Variants in KLF12 observed in about 807,000 individuals in gnomAD.
KLF12 encodes the protein KLF transcription factor 12.
In KLF12, 9 loss-of-function variants were observed where a neutral mutation model predicts 37.8. The ratio of observed to expected loss-of-function variants is 0.24; its 90% CI spans 0.14 to 0.42. The LOEUF (loss-of-function observed/expected upper bound fraction) is 0.42. KLF12 is among the 10% of genes least tolerant of loss of function. The pLI, the probability that KLF12 is intolerant of heterozygous loss-of-function variation, is 1.00. For synonymous variants in KLF12, 208 were observed against 202.1 expected, an observed-to-expected ratio of 1.03 and a Z score of -0.25; for missense variants, 411 against 516.0, an observed-to-expected ratio of 0.80 and a Z score of 1.97.
At chr13:73,960,867 C>T (rs962391996) in intron 2 of KLF12, among the ~76,000 whole-genome samples, 1 of 152,054 alleles carries the variant, frequency 6.6e-6, no homozygotes, top group Non-Finnish European at 1.5e-5. Flanking sequence ...GACAAATGGA[C>T]ACATTATACT....
intron 1 of KLF12, among the ~76,000 whole-genome samples, chr13:74,087,469 G>A (rs1875382604): frequency 6.6e-6 from 1 of 152,120 alleles, no homozygotes; most frequent in South Asian, 2.1e-4. Flanking sequence ...ATAGCTCAGA[G>A]TCAAGGACAG....
intron 7 of KLF12, among the ~76,000 whole-genome samples, chr13:73,714,497 G>A (rs948855985): frequency 2.0e-5 from 3 of 152,166 alleles, no homozygotes; most frequent in African/African-American, 4.8e-5. Flanking sequence ...CTTGCTGTGA[G>A]CCATGTTTTA....
At chr13:74,255,608 T>C in the KLF12 span, among the ~76,000 whole-genome samples, 1 of 152,188 alleles carries the variant, frequency 6.6e-6, no homozygotes, top group Non-Finnish European at 1.5e-5. Context: ...AAAACAGTTA[T>C]TTGTAGCTTC....
chr13:73,846,510 G>T, intron 3 of KLF12, 137 bp from the exon 4 acceptor site: 1 of 816,310 alleles, frequency 1.2e-6, no homozygotes, highest in Non-Finnish European at 1.9e-6. Context: ...ATATCTGAAG[G>T]ATTGCTCAGA....
intron 1 of KLF12, among the ~76,000 whole-genome samples, chr13:74,047,222 T>C (rs1236790340): frequency 2.0e-5 from 3 of 152,104 alleles, no homozygotes; most frequent in African/African-American, 4.8e-5. Flanking sequence ...CTGTGAGGAT[T>C]TGCCCCTTAG....
At chr13:74,073,349 C>T in intron 1 of KLF12, among the ~76,000 whole-genome samples, 1 of 152,132 alleles carries the variant, frequency 6.6e-6, no homozygotes, top group Admixed American at 6.5e-5. Flanking sequence ...GAGGGTAGGA[C>T]AGTGGAATCA....
At chr13:74,001,314 G>A (rs1053327763) in intron 1 of KLF12, among the ~76,000 whole-genome samples, 7 of 152,194 alleles carry the variant, frequency 4.6e-5, no homozygotes, top group South Asian at 2.1e-4. Flanking sequence ...ATGTAGCTGC[G>A]TGATGTATAC....
At chr13:73,913,545 C>T (rs945651276) in intron 3 of KLF12, among the ~76,000 whole-genome samples, 1 of 152,106 alleles carries the variant, frequency 6.6e-6, no homozygotes, top group Non-Finnish European at 1.5e-5. Flanking sequence ...ATACAATGAC[C>T]AAGAGACTCC....
chr13:73,738,109 A>ATGTG (rs1555299025), intron 6 of KLF12, among the ~76,000 whole-genome samples: 2 of 83,968 alleles, frequency 2.4e-5, no homozygotes, highest in Admixed American at 1.2e-4. Flanking sequence ...ATATATATAT[A>ATGTG]TATATATATA....
chr13:73,772,633 G>C (rs1880344136), intron 5 of KLF12, among the ~76,000 whole-genome samples: 1 of 152,212 alleles, frequency 6.6e-6, no homozygotes, highest in Non-Finnish European at 1.5e-5. Context: ...AGCGAGCCTG[G>C]AGGGGCAGGA....
At chr13:73,958,461 T>G (rs1255600135) in intron 2 of KLF12, among the ~76,000 whole-genome samples, 2 of 152,116 alleles carry the variant, frequency 1.3e-5, no homozygotes, top group African/African-American at 4.8e-5. Context: ...CAGGCTGGAC[T>G]TGAACTCCTG....
chr13:73,756,433 T>C (rs1428230606), intron 6 of KLF12, among the ~76,000 whole-genome samples: 1 of 152,116 alleles, frequency 6.6e-6, no homozygotes, highest in Non-Finnish European at 1.5e-5. Context: ...GAGAATGCTG[T>C]CTATTTTGAC....
chr13:73,879,910 T>C (rs1278317460), intron 3 of KLF12, among the ~76,000 whole-genome samples: 1 of 152,222 alleles, frequency 6.6e-6, no homozygotes, highest in Admixed American at 6.5e-5. Context: ...TTACTCTTCA[T>C]AAAACAAGTT....
intron 6 of KLF12, among the ~76,000 whole-genome samples, chr13:73,749,266 T>C (rs1457247893): frequency 6.6e-6 from 1 of 152,194 alleles, no homozygotes; most frequent in Non-Finnish European, 1.5e-5. Context: ...AAAAGATATT[T>C]ATTCTTTGTT....
At chr13:74,270,254 G>T in the KLF12 span, among the ~76,000 whole-genome samples, 65,401 of 151,870 alleles carry the variant, frequency 0.43, 16,923 homozygotes, top group East Asian at 0.75. Flanking sequence ...TAATTTATAT[G>T]ATTGAGATGA....
chr13:73,797,772 A>T (rs1357794352), intron 5 of KLF12, among the ~76,000 whole-genome samples: 2 of 64,254 alleles, frequency 3.1e-5, no homozygotes, highest in Non-Finnish European at 7.0e-5. Flanking sequence ...CCTGTCTCAA[A>T]AAAAAAAAAA....
chr13:73,925,069 C>G (rs1473801281), intron 3 of KLF12, among the ~76,000 whole-genome samples: 1 of 152,162 alleles, frequency 6.6e-6, no homozygotes, highest in African/African-American at 2.4e-5. Flanking sequence ...GTCTCTGTAA[C>G]ATAATAATAC....
chr13:74,161,407 G>A, the KLF12 span, among the ~76,000 whole-genome samples: 1 of 152,072 alleles, frequency 6.6e-6, no homozygotes, highest in Non-Finnish European at 1.5e-5. Flanking sequence ...AAGAGAGGGA[G>A]ATTTGGACAC....
intron 1 of KLF12, among the ~76,000 whole-genome samples, chr13:74,115,514 G>A (rs55912784): frequency 0.025 from 3,804 of 152,228 alleles, 121 homozygotes; most frequent in Admixed American, 0.092. Flanking sequence ...AGACCAGCCT[G>A]GTCAACAGGG....
Sources: gnomAD v4.1 joint callset for allele counts (sites outside exome capture counted in the v4.1 genomes callset) on GRCh38, gnomAD v4.1.1 for gene constraint, MANE v1.5 for transcripts, NCBI Gene and HGNC (gene_info 2026-07-23, HGNC 2026-07-21) for gene names.